The following DUSP16 variants were observed in gnomAD, a reference collection of about 807,000 sequenced individuals.
DUSP16 encodes the protein dual specificity protein phosphatase 16.
Under a neutral mutation model 58.3 loss-of-function variants are expected in DUSP16, and 21 were observed. The ratio of observed to expected loss-of-function variants is 0.36; its 90% CI spans 0.26 to 0.52. The LOEUF is 0.52. Among genes scored for constraint, DUSP16 ranks in the 20% least tolerant of loss-of-function variants. The pLI, the probability that DUSP16 is intolerant of heterozygous loss-of-function variation, is 0.94. For synonymous variants in DUSP16, 320 were observed against 323.8 expected, an observed-to-expected ratio of 0.99 and a Z score of 0.12; for missense variants, 726 against 819.0, an observed-to-expected ratio of 0.89 and a Z score of 1.39.
chr12:12,499,979 C>T (rs10845560), intron 4 of DUSP16, among the ~76,000 whole-genome samples: 68,596 of 151,416 alleles, frequency 0.45, 16,107 homozygotes, highest in East Asian at 0.7. Context: ...TTCCCTCTTC[C>T]TTCTCAACCA....
intron 3 of DUSP16, among the ~76,000 whole-genome samples, chr12:12,511,016 G>A (rs1216592872): frequency 6.6e-6 from 1 of 152,218 alleles, no homozygotes; most frequent in Non-Finnish European, 1.5e-5. Context: ...TTGTGAATCA[G>A]TTAAAAATTT....
At chr12:12,519,340 CTAATT>C (rs1383215279) in intron 3 of DUSP16, among the ~76,000 whole-genome samples, 1 of 152,150 alleles carries the variant, frequency 6.6e-6, no homozygotes, top group African/African-American at 2.4e-5. Flanking sequence ...AACAATTCCC[CTAATT>C]ACCAGAAGAA....
At chr12:12,543,785 A>G (rs1181862700) in intron 1 of DUSP16, among the ~76,000 whole-genome samples, 3 of 152,134 alleles carry the variant, frequency 2.0e-5, no homozygotes, top group African/African-American at 7.2e-5. Flanking sequence ...AAAACTCAAG[A>G]AGCCTAGGAA....
chr12:12,531,737 G>T (rs949767977), intron 1 of DUSP16, among the ~76,000 whole-genome samples: 6 of 152,046 alleles, frequency 3.9e-5, no homozygotes, highest in African/African-American at 1.4e-4. Flanking sequence ...CAGATGTGGT[G>T]GCATGGGCCT....
chr12:12,486,500 GTGTGT>G (rs1943686599), intron 5 of DUSP16, among the ~76,000 whole-genome samples: 5 of 138,194 alleles, frequency 3.6e-5, no homozygotes, highest in Non-Finnish European at 8.6e-5. Context: ...GTGTGTGTGT[GTGTGT>G]GTGTGTGTGT....
chr12:12,543,797 G>A (rs2136256037), intron 1 of DUSP16, among the ~76,000 whole-genome samples: 1 of 152,136 alleles, frequency 6.6e-6, no homozygotes, highest in African/African-American at 2.4e-5. Flanking sequence ...GCCTAGGAAT[G>A]TTTGGATTTG....
chr12:12,529,136 G>C (rs932361154), intron 1 of DUSP16, among the ~76,000 whole-genome samples: 4 of 152,036 alleles, frequency 2.6e-5, no homozygotes, highest in African/African-American at 9.7e-5. Context: ...TTTGAGACAG[G>C]GTCTTGCTCT....
At chr12:12,506,720 C>A (rs1384223440) in intron 3 of DUSP16, among the ~76,000 whole-genome samples, 1 of 152,188 alleles carries the variant, frequency 6.6e-6, no homozygotes, top group Non-Finnish European at 1.5e-5. Context: ...TGCTGAGAAA[C>A]AGGGATGGGC....
chr12:12,513,827 CA>C (rs374016059), intron 3 of DUSP16, among the ~76,000 whole-genome samples: 54 of 152,180 alleles, frequency 3.5e-4, no homozygotes, highest in African/African-American at 1.2e-3. Context: ...AATAAAAGCC[CA>C]AATTCAATAG....
chr12:12,481,781 G>A (rs1011845833), intron 5 of DUSP16, among the ~76,000 whole-genome samples: 6 of 152,036 alleles, frequency 3.9e-5, no homozygotes, highest in African/African-American at 4.8e-5. Context: ...ATATAAACTC[G>A]TGTACACAGT....
rs1439395183 is a variant in DUSP16 at position 12,519,974 on chromosome 12, A to G, written c.255T>C (p.Val85=). 3 of 1,614,136 alleles carry G rather than the reference A, an allele frequency of 1.9e-6. No homozygotes were observed. The highest frequency in any genetic ancestry group is 2.2e-5 in the South Asian group (2 of 91,082). The change falls in exon 3 of 7, where the codon GTT becomes GTC. Residue 85 remains valine, a synonymous_variant. Transcript: ENST00000298573. The stretch of plus-strand genomic sequence containing the variant: ...CTTGGGAGCTTTGATCGTAAACTAC[A>G]ACCTTCTGACTGCAATCAATGTCAA... The part of the protein sequence containing the change: ...HKVDIDCSQK[V]VVYDQSSQDV...
intron 4 of DUSP16, among the ~76,000 whole-genome samples, chr12:12,499,412 G>A (rs770756290): frequency 3.9e-5 from 6 of 152,160 alleles, no homozygotes; most frequent in Non-Finnish European, 8.8e-5. Flanking sequence ...CAAATCGGCA[G>A]ATCTCACAGT....
At chr12:12,537,413 A>G (rs1383877608) in intron 1 of DUSP16, among the ~76,000 whole-genome samples, 2 of 152,254 alleles carry the variant, frequency 1.3e-5, no homozygotes, top group African/African-American at 2.4e-5. Flanking sequence ...ATATAACTAT[A>G]TATGATTCAG....
At chr12:12,516,477 G>A (rs558968980) in intron 3 of DUSP16, among the ~76,000 whole-genome samples, 7 of 152,284 alleles carry the variant, frequency 4.6e-5, no homozygotes, top group South Asian at 4.1e-4. Flanking sequence ...AAGGACTTGC[G>A]TATTCCTATG....
chr12:12,484,309 A>G (rs570765545), intron 5 of DUSP16, among the ~76,000 whole-genome samples: 1 of 152,342 alleles, frequency 6.6e-6, no homozygotes, highest in South Asian at 2.1e-4. Context: ...CAAATAAATT[A>G]TAATATGTAT....
At position 12,522,026 on chromosome 12, in the gene DUSP16, C is replaced by G. The variant is rs116346656; in HGVS notation, c.-365-563G>C. Reference sequence around the variant, plus strand: ...CAAACAGCAGCCTTTTAAAATTGCCCTCACGGAGGAGAGAAGATGCAGGAA... The same window carrying G: ...CAAACAGCAGCCTTTTAAAATTGCCGTCACGGAGGAGAGAAGATGCAGGAA... On this transcript the variant is annotated intron_variant, in intron 1 of 6. Transcript: ENST00000298573. Among the ~76,000 whole-genome samples the G allele has an allele frequency of 5.9e-3, 904 of 152,280 alleles. 5 individuals are homozygous for G. The highest frequency in any genetic ancestry group is 0.02 in the African/African-American group (842 of 41,566).
intron 1 of DUSP16, among the ~76,000 whole-genome samples, chr12:12,539,817 G>A (rs1210046056): frequency 2.6e-5 from 4 of 151,176 alleles, no homozygotes; most frequent in Middle Eastern, 3.5e-3. Flanking sequence ...TTGGGAGGCC[G>A]AGGCAGGTGG....
chr12:12,479,196 C>T (rs986100282), intron 6 of DUSP16, among the ~76,000 whole-genome samples: 34 of 151,988 alleles, frequency 2.2e-4, no homozygotes, highest in Non-Finnish European at 3.4e-4. Flanking sequence ...AATTCTTCAG[C>T]GGCCCCTGCA....
chr12:12,498,120 G>C (rs1943856851), intron 4 of DUSP16, among the ~76,000 whole-genome samples: 1 of 151,900 alleles, frequency 6.6e-6, no homozygotes, highest in South Asian at 2.1e-4. Flanking sequence ...GAGATCTTTA[G>C]GAAAAAAAGA....
Sources: allele counts gnomAD v4.1 joint callset (sites outside exome capture counted in the v4.1 genomes callset), GRCh38; gene constraint gnomAD v4.1.1; transcripts MANE v1.5; gene names NCBI Gene and HGNC (gene_info 2026-07-23, HGNC 2026-07-21).